Variants in PREX2 observed in about 807,000 individuals in gnomAD.
The protein encoded by PREX2 is phosphatidylinositol 3,4,5-trisphosphate-dependent Rac exchanger 2 protein.
Under a neutral mutation model 203.2 loss-of-function variants are expected in PREX2, and 107 were observed. The observed-to-expected ratio is 0.53, with a 90% CI of 0.45 to 0.62. PREX2 has a LOEUF of 0.62. Among genes scored for constraint, PREX2 ranks in the 20% least tolerant of loss-of-function variants. PREX2 has a pLI of 0.00. For synonymous variants in PREX2, 672 were observed against 663.6 expected, an observed-to-expected ratio of 1.01 and a Z score of -0.19; for missense variants, 1,777 against 1,955.9, an observed-to-expected ratio of 0.91 and a Z score of 1.72.
chr8:67,952,202 C>T lies in PREX2; in HGVS notation c.-193C>T, dbSNP rs1470557734. The stretch of plus-strand genomic sequence containing the variant: ...CCTCTGCAGAGCCCCGCGCCCCCCG[C>T]GCCGGGATTTCAGCCCGATCCCCTC... On this transcript the variant is annotated 5_prime_UTR_variant, in exon 1 of 40. Coordinates refer to ENST00000288368, the MANE Select transcript of PREX2 (RefSeq NM_024870.4). The T allele has an allele frequency of 4.7e-6, 2 of 428,872 alleles. No homozygotes were observed. The highest frequency in any genetic ancestry group is 7.6e-6 in the Non-Finnish European group (2 of 262,446). The allele number at this position is 428,872 out of a possible 1,614,324, so 26.6% of individuals were successfully genotyped here.
intron 20 of PREX2, 90 bp downstream of exon 20, chr8:68,090,805 G>A (rs1809849112): frequency 8.1e-6 from 9 of 1,105,396 alleles, no homozygotes; most frequent in South Asian, 3.9e-5. Context: ...AGATATTTGT[G>A]GTTTCCAATT....
At chr8:68,022,333 A>C (rs1187497720) in intron 4 of PREX2, among the ~76,000 whole-genome samples, 193 bp downstream of exon 4, 1 of 152,120 alleles carries the variant, frequency 6.6e-6, no homozygotes, top group African/African-American at 2.4e-5. Context: ...AAGTACTGCT[A>C]ATGCCCCCTC....
intron 11 of PREX2, among the ~76,000 whole-genome samples, chr8:68,065,775 T>C (rs1809000110): frequency 6.6e-6 from 1 of 152,176 alleles, no homozygotes; most frequent in Non-Finnish European, 1.5e-5. Flanking sequence ...AAATATAAAC[T>C]CTTTGACTTT....
intron 35 of PREX2, among the ~76,000 whole-genome samples, chr8:68,184,340 C>G (rs1812147088): frequency 1.3e-5 from 2 of 151,960 alleles, no homozygotes; most frequent in Admixed American, 1.3e-4. Flanking sequence ...ATAGAGATAC[C>G]CAGTCACACC....
intron 1 of PREX2, among the ~76,000 whole-genome samples, chr8:67,999,910 C>G (rs1466990265): frequency 6.6e-6 from 1 of 152,150 alleles, no homozygotes; most frequent in African/African-American, 2.4e-5. Flanking sequence ...TGATAAAATT[C>G]AAGACTGCTT....
chr8:68,053,303 A>T, intron 9 of PREX2, 57 bp downstream of exon 9: 1 of 1,556,204 alleles, frequency 6.4e-7, no homozygotes, highest in African/African-American at 1.4e-5. Flanking sequence ...TTAGCATAGG[A>T]GCAGATAATG....
At position 68,233,446 on chromosome 8, in the gene PREX2, A is replaced by G. The variant is rs1421074641; in HGVS notation, c.*2068A>G. The G allele has an allele frequency of 1.3e-5, 2 of 152,210 alleles. No homozygotes were observed. The highest frequency in any genetic ancestry group is 2.4e-5 in the African/African-American group (1 of 41,462). The allele number at this position is 152,210 out of a possible 1,614,324, so 9.4% of individuals were successfully genotyped here. ...ATATTTTTAAGGATCTACTTTCTTC[A>G]TAATAGAATGTGCTTCATATTATTT... On this transcript the variant is annotated 3_prime_UTR_variant, in exon 40 of 40. Transcript: ENST00000288368.
At position 67,952,549 on chromosome 8, in the gene PREX2, G is replaced by T; in HGVS notation, c.141+14G>T. 6.2e-7 allele frequency: 1 copy of T among 1,606,590 alleles called. No homozygotes were observed. The highest frequency in any genetic ancestry group is 8.5e-7 in the Non-Finnish European group (1 of 1,176,612). On this transcript the variant is annotated intron_variant, in intron 1 of 39. Coordinates refer to ENST00000288368, the MANE Select transcript of PREX2 (RefSeq NM_024870.4). ...TTCCTGGTGTCGGTGAGTGTCCCCG[G>T]CAGACGCAGGGGGACGTCCGGGCGG...
intron 32 of PREX2, among the ~76,000 whole-genome samples, chr8:68,137,538 T>C (rs1354935925): frequency 6.6e-6 from 1 of 152,198 alleles, no homozygotes; most frequent in African/African-American, 2.4e-5. Flanking sequence ...CCCAAAGTGC[T>C]GGGGTTACAG....
chr8:68,158,722 T>G (rs1458555140), intron 35 of PREX2, among the ~76,000 whole-genome samples: 1 of 152,186 alleles, frequency 6.6e-6, no homozygotes, highest in Admixed American at 6.6e-5. Context: ...TGCTGTTTCA[T>G]TTTAATGTCT....
chr8:68,110,611 T>TCA (rs113590462), intron 25 of PREX2, among the ~76,000 whole-genome samples: 2,282 of 152,152 alleles, frequency 0.015, 50 homozygotes, highest in African/African-American at 0.044. Flanking sequence ...TCTTTTAACT[T>TCA]CACACACACA....
intron 33 of PREX2, among the ~76,000 whole-genome samples, chr8:68,144,994 T>C (rs1453161369): frequency 1.3e-5 from 2 of 152,146 alleles, no homozygotes; most frequent in African/African-American, 4.8e-5. Flanking sequence ...GTATGGAATT[T>C]AACACAAATT....
intron 17 of PREX2, among the ~76,000 whole-genome samples, chr8:68,082,006 G>A (rs1327195832): frequency 6.6e-6 from 1 of 151,006 alleles, no homozygotes; most frequent in African/African-American, 2.4e-5. Context: ...AACTTTACCA[G>A]CCTTTCAAAC....
intron 1 of PREX2, among the ~76,000 whole-genome samples, chr8:67,987,729 G>A (rs1027970397): frequency 6.6e-6 from 1 of 152,154 alleles, no homozygotes; most frequent in Non-Finnish European, 1.5e-5. Flanking sequence ...GCCGTTCTCG[G>A]TCTGTAATGC....
At chr8:68,175,750 C>A (rs1585845815) in intron 35 of PREX2, among the ~76,000 whole-genome samples, 1 of 151,868 alleles carries the variant, frequency 6.6e-6, no homozygotes, top group East Asian at 1.9e-4. Context: ...TAAATGCCAT[C>A]AAAATGCATT....
chr8:68,019,565 T>C lies in PREX2; in HGVS notation c.230T>C (p.Ile77Thr). Residue 77 changes from isoleucine (I) to threonine (T), a missense_variant, in exon 3 of 40, where the codon ATT (isoleucine) becomes ACT (threonine). By Grantham distance (89) the Ile-to-Thr change is moderately conservative (BLOSUM62 -1). Coordinates refer to ENST00000288368, the MANE Select transcript of PREX2 (RefSeq NM_024870.4). ...EETVKMLFSN[I>T]EDILAVHKEF... ...TATTTACAGATGTTGTTCTCAAACA[T>C]TGAAGACATCCTTGCAGTACATAAA... 6.2e-7 allele frequency: 1 copy of C among 1,611,298 alleles called. No individual in the cohort carries two copies. The highest frequency in any genetic ancestry group is 8.5e-7 in the Non-Finnish European group (1 of 1,178,796).
At chr8:68,047,919 T>C (rs1376873532) in intron 8 of PREX2, among the ~76,000 whole-genome samples, 2 of 151,982 alleles carry the variant, frequency 1.3e-5, no homozygotes, top group African/African-American at 4.8e-5. Flanking sequence ...TTTTGATAAA[T>C]AATATTATTG....
At chr8:68,028,993 A>G (rs993035077) in intron 5 of PREX2, among the ~76,000 whole-genome samples, 4 of 152,056 alleles carry the variant, frequency 2.6e-5, no homozygotes, top group African/African-American at 7.2e-5. Flanking sequence ...CCACAAAGCA[A>G]CATGAAAAAA....
intron 35 of PREX2, among the ~76,000 whole-genome samples, chr8:68,171,351 A>G (rs189225987): frequency 2.6e-5 from 4 of 152,340 alleles, no homozygotes; most frequent in Admixed American, 2.6e-4. Context: ...AGTGCTACAC[A>G]AATACTAATC....
Sources: gnomAD v4.1 joint callset for allele counts (sites outside exome capture counted in the v4.1 genomes callset) on GRCh38, gnomAD v4.1.1 for gene constraint, MANE v1.5 for transcripts, NCBI Gene and HGNC (gene_info 2026-07-23, HGNC 2026-07-21) for gene names.